Variants in TSPAN8 observed in about 807,000 individuals in gnomAD.
TSPAN8 encodes the protein tetraspanin 8.
Under a neutral mutation model 32.8 loss-of-function variants are expected in TSPAN8, and 21 were observed. That is an observed-to-expected ratio of 0.64 (90% CI 0.45 to 0.92). TSPAN8 has a LOEUF of 0.92. TSPAN8 is among the 40% of genes least tolerant of loss of function. The probability of loss-of-function intolerance (pLI) is 0.00; values close to 1 mark genes in which losing one functional copy is unlikely to be tolerated. For missense variants in TSPAN8, 269 were observed against 281.9 expected, an observed-to-expected ratio of 0.95 and a Z score of 0.33; for synonymous variants, 95 against 94.6, an observed-to-expected ratio of 1.00 and a Z score of -0.03.
chr12:71,126,039 C>T (rs917887872), intron 8 of TSPAN8, among the ~76,000 whole-genome samples: 4 of 152,122 alleles, frequency 2.6e-5, no homozygotes, highest in African/African-American at 9.7e-5. Context: ...CTAATTGGCT[C>T]TACAGTTGGT....
chr12:71,142,517 T>C lies in TSPAN8; in HGVS notation c.123+1634A>G, dbSNP rs138673093. 6.4e-3 allele frequency among the ~76,000 whole-genome samples: 973 copies of C among 152,326 alleles called. 13 individuals carry two copies. Among genetic ancestry groups the C allele is most frequent in the African/African-American group, 0.022 (904 of 41,566 alleles). On this transcript the variant is annotated intron_variant, in intron 3 of 8. Transcript: ENST00000247829. ...GTAAGTAGGTGACTGTTAATCTCTGTGCTTAATTATGAGTCCCAAAGTCAG... is the reference window on the plus strand; with the variant it reads ...GTAAGTAGGTGACTGTTAATCTCTGCGCTTAATTATGAGTCCCAAAGTCAG...
intron 6 of TSPAN8, among the ~76,000 whole-genome samples, chr12:71,133,619 T>C (rs1161675191): frequency 2.0e-5 from 3 of 152,078 alleles, no homozygotes; most frequent in African/African-American, 4.8e-5. Flanking sequence ...TCCCATAAGA[T>C]TGAATTTTAT....
chr12:71,131,612 G>C (rs184011218), intron 7 of TSPAN8, among the ~76,000 whole-genome samples: 93 of 150,902 alleles, frequency 6.2e-4, no homozygotes, highest in African/African-American at 2.2e-3. Flanking sequence ...CTCTCAACTA[G>C]ATTGTAATCT....
rs367684433 is a variant in TSPAN8 at position 71,145,495 on chromosome 12, C to T, written c.61-1282G>A. 5.3e-5 allele frequency among the ~76,000 whole-genome samples: 8 copies of T among 152,280 alleles called. No individual in the cohort carries two copies. The South Asian group carries it at 6.2e-4, about 12-fold the overall frequency. The stretch of plus-strand genomic sequence containing the variant: ...AACCTATGCAATTATCTCATACACA[C>T]ACATAGACACACACACACCATAAAA... On this transcript the variant is annotated intron_variant, in intron 2 of 8. Transcript: ENST00000247829.
intron 2 of TSPAN8, among the ~76,000 whole-genome samples, chr12:71,156,429 A>G (rs1872443141): frequency 6.6e-6 from 1 of 151,850 alleles, no homozygotes; most frequent in Admixed American, 6.6e-5. Flanking sequence ...GAGCTACATT[A>G]AATATTTGCA....
At chr12:71,147,014 A>G (rs1169353632) in intron 2 of TSPAN8, among the ~76,000 whole-genome samples, 1 of 152,180 alleles carries the variant, frequency 6.6e-6, no homozygotes, top group Non-Finnish European at 1.5e-5. Flanking sequence ...GAACATGAGA[A>G]GATGGCCACA....
chr12:71,131,939 T>G (rs969135593), intron 7 of TSPAN8, among the ~76,000 whole-genome samples: 1 of 152,034 alleles, frequency 6.6e-6, no homozygotes, highest in Non-Finnish European at 1.5e-5. Flanking sequence ...ATCAGCTCCA[T>G]GAGCGCAGAC....
At chr12:71,148,796 G>T (rs1415056668) in intron 2 of TSPAN8, among the ~76,000 whole-genome samples, 1 of 152,090 alleles carries the variant, frequency 6.6e-6, no homozygotes, top group Admixed American at 6.5e-5. Flanking sequence ...CTGCTATTAT[G>T]TTTGTAGTTT....
At chr12:71,146,513 T>A (rs2137057539) in intron 2 of TSPAN8, among the ~76,000 whole-genome samples, 1 of 152,286 alleles carries the variant, frequency 6.6e-6, no homozygotes, top group African/African-American at 2.4e-5. Flanking sequence ...CTTTTAGAGC[T>A]TTTCCCCTAA....
At chr12:71,137,445 A>T (rs532044472) in intron 6 of TSPAN8, among the ~76,000 whole-genome samples, 2 of 150,176 alleles carry the variant, frequency 1.3e-5, no homozygotes, top group Non-Finnish European at 2.9e-5. Context: ...CTAAAAATAC[A>T]AAAAATGAGC....
chr12:71,138,258 T>G (rs753958550), intron 4 of TSPAN8, 28 bp from the exon 5 acceptor site: 2 of 1,603,368 alleles, frequency 1.2e-6, no homozygotes, highest in Non-Finnish European at 8.5e-7. Context: ...AAATATACAT[T>G]ATCCTCAGTG....
intron 2 of TSPAN8, among the ~76,000 whole-genome samples, chr12:71,145,702 C>T (rs1872053948): frequency 2.6e-5 from 4 of 152,164 alleles, no homozygotes; most frequent in African/African-American, 9.7e-5. Context: ...GATAATGAGA[C>T]CCTCTGGGAT....
At chr12:71,150,661 T>C (rs1258901003) in intron 2 of TSPAN8, among the ~76,000 whole-genome samples, 8 of 152,190 alleles carry the variant, frequency 5.3e-5, no homozygotes, top group Non-Finnish European at 1.2e-4. Flanking sequence ...ATGGTGTTTA[T>C]TGTATTGAGT....
chr12:71,138,845 TAAAC>T (rs1175460498), intron 4 of TSPAN8, among the ~76,000 whole-genome samples: 1 of 152,166 alleles, frequency 6.6e-6, no homozygotes, highest in African/African-American at 2.4e-5. Flanking sequence ...TCCCTCACAA[TAAAC>T]AAACAGTTTT....
At chr12:71,127,017 A>G (rs1871369552) in intron 8 of TSPAN8, among the ~76,000 whole-genome samples, 1 of 152,008 alleles carries the variant, frequency 6.6e-6, no homozygotes, top group South Asian at 2.1e-4. Flanking sequence ...CCTCACTAAA[A>G]CCTATGCCTA....
chr12:71,135,918 C>G (rs77157891), intron 6 of TSPAN8, among the ~76,000 whole-genome samples: 1 of 151,934 alleles, frequency 6.6e-6, no homozygotes, highest in Non-Finnish European at 1.5e-5. Context: ...AGAATGATCC[C>G]GGAAAGAAGA....
At chr12:71,144,242 A>C in intron 2 of TSPAN8, 29 bp from the exon 3 acceptor site, 1 of 1,599,106 alleles carries the variant, frequency 6.3e-7, no homozygotes, top group Non-Finnish European at 8.5e-7. Flanking sequence ...AAACAAAAAG[A>C]ATACAATTAG....
At chr12:71,148,460 AAGTT>A (rs1451524520) in intron 2 of TSPAN8, among the ~76,000 whole-genome samples, 1 of 152,194 alleles carries the variant, frequency 6.6e-6, no homozygotes, top group Non-Finnish European at 1.5e-5. Flanking sequence ...TCTTTTAACT[AAGTT>A]AGTAGTTTTC....
intron 6 of TSPAN8, among the ~76,000 whole-genome samples, chr12:71,135,206 T>TGAG (rs1337021501): frequency 6.8e-5 from 8 of 118,194 alleles, no homozygotes; most frequent in African/African-American, 1.5e-4. Context: ...AGGATAAGGA[T>TGAG]GAGGAGGAGG....
Sources: allele counts gnomAD v4.1 joint callset (sites outside exome capture counted in the v4.1 genomes callset), GRCh38; gene constraint gnomAD v4.1.1; transcripts MANE v1.5; gene names NCBI Gene and HGNC (gene_info 2026-07-23, HGNC 2026-07-21).